Variants in PLPPR5 observed in about 807,000 individuals in gnomAD.
PLPPR5 encodes phospholipid phosphatase related 5, also known as phospholipid phosphatase-related protein type 5.
PLPPR5 carries 16 observed loss-of-function variants against 33.9 expected under a neutral mutation model. That is an observed-to-expected ratio of 0.47 (90% CI 0.32 to 0.72). PLPPR5 has a LOEUF of 0.72. PLPPR5 is among the 30% of genes least tolerant of loss of function. PLPPR5 has a pLI of 0.03. For missense variants in PLPPR5, 301 were observed against 406.7 expected (o/e 0.74, Z 2.23); for synonymous variants, 163 against 150.3 (o/e 1.08, Z -0.62).
At chr1:98,993,044 T>C (rs781042737) in intron 1 of PLPPR5, among the ~76,000 whole-genome samples, 1 of 152,130 alleles carries the variant, frequency 6.6e-6, no homozygotes, top group Non-Finnish European at 1.5e-5. Context: ...AATGCTGATG[T>C]AAGCACTATG....
intron 1 of PLPPR5, among the ~76,000 whole-genome samples, chr1:98,982,166 G>A (rs1480759270): frequency 6.6e-6 from 1 of 152,024 alleles, no homozygotes; most frequent in African/African-American, 2.4e-5. Flanking sequence ...CTATCTGAAT[G>A]CACCATGAGA....
intron 1 of PLPPR5, among the ~76,000 whole-genome samples, chr1:98,979,660 T>A (rs1261507384): frequency 6.6e-6 from 1 of 152,026 alleles, no homozygotes; most frequent in Non-Finnish European, 1.5e-5. Flanking sequence ...GATTTCTGCC[T>A]CCTGCGATGG....
chr1:98,962,104 A>C (rs1651270918), intron 1 of PLPPR5, among the ~76,000 whole-genome samples: 1 of 152,184 alleles, frequency 6.6e-6, no homozygotes, highest in Non-Finnish European at 1.5e-5. Context: ...ACTTGGACTC[A>C]AGCTAAAACT....
At chr1:98,922,147 A>C in intron 3 of PLPPR5, 89 bp from the exon 4 acceptor site, 2 of 1,181,428 alleles carry the variant, frequency 1.7e-6, no homozygotes, top group Non-Finnish European at 2.4e-6. Context: ...ACATATATTT[A>C]TAGACATATA....
chr1:98,993,348 A>G (rs1176100821), intron 1 of PLPPR5, among the ~76,000 whole-genome samples: 2 of 152,102 alleles, frequency 1.3e-5, no homozygotes, highest in African/African-American at 4.8e-5. Context: ...GCTTGAAAAA[A>G]GTGTCTACTG....
chr1:98,947,671 G>A (rs925049131), intron 3 of PLPPR5, among the ~76,000 whole-genome samples: 3 of 152,100 alleles, frequency 2.0e-5, no homozygotes, highest in Non-Finnish European at 4.4e-5. Flanking sequence ...AATGAAAGGG[G>A]TCCATGGTAG....
chr1:98,915,702 C>T (rs1010939804), intron 4 of PLPPR5, among the ~76,000 whole-genome samples: 2 of 152,074 alleles, frequency 1.3e-5, no homozygotes, highest in Non-Finnish European at 2.9e-5. Flanking sequence ...CCTTAATGTG[C>T]ATAAAAATAC....
chr1:98,906,981 C>A (rs1228772434), intron 5 of PLPPR5, among the ~76,000 whole-genome samples: 2 of 151,976 alleles, frequency 1.3e-5, no homozygotes, highest in Non-Finnish European at 2.9e-5. Context: ...ATTATAAAAC[C>A]TGTCAGTAAT....
intron 1 of PLPPR5, among the ~76,000 whole-genome samples, chr1:99,002,446 A>T (rs1652884864): frequency 6.6e-6 from 1 of 152,234 alleles, no homozygotes; most frequent in South Asian, 2.1e-4. Context: ...CTATAGGCAT[A>T]CAAATGCCAT....
chr1:99,004,554 C>T lies in PLPPR5; in HGVS notation c.118G>A (p.Val40Met), dbSNP rs766371899. 5 of 1,612,996 alleles carry T rather than the reference C, an allele frequency of 3.1e-6. No homozygotes were observed. In the South Asian group the frequency reaches 3.3e-5, roughly 11 times the overall value. The change falls in exon 1 of 6, where the codon GTG becomes ATG. Residue 40 changes from valine to methionine, a missense_variant. Val to Met is a conservative substitution (Grantham distance 21). Coordinates refer to ENST00000263177, the MANE Select transcript of PLPPR5 (RefSeq NM_001037317.2). Reference protein sequence around the residue: ...FEYTDTFTVNVQGFFCHDSAY... With the variant: ...FEYTDTFTVNMQGFFCHDSAY... ...CTGTCGTGGCAGAAGAAGCCCTGCA[C>T]GTTCACGGTGAACGTGTCCGTATAC...
chr1:98,916,756 C>T (rs1285519677), intron 4 of PLPPR5, among the ~76,000 whole-genome samples: 1 of 152,132 alleles, frequency 6.6e-6, no homozygotes, highest in East Asian at 1.9e-4. Flanking sequence ...TCTTCTTACT[C>T]TTAGTATTTT....
intron 5 of PLPPR5, among the ~76,000 whole-genome samples, chr1:98,910,417 A>C (rs1649076436): frequency 6.6e-6 from 1 of 152,216 alleles, no homozygotes; most frequent in Non-Finnish European, 1.5e-5. Flanking sequence ...TTTAAGTAGA[A>C]TGAAGTATAA....
intron 5 of PLPPR5, among the ~76,000 whole-genome samples, chr1:98,911,887 G>A (rs1160058077): frequency 2.0e-5 from 3 of 151,938 alleles, no homozygotes; most frequent in Admixed American, 1.3e-4. Flanking sequence ...AGCCTCCTGA[G>A]TCTCTAGTAC....
intron 1 of PLPPR5, among the ~76,000 whole-genome samples, chr1:99,002,092 C>G (rs150145873): frequency 4.6e-5 from 7 of 152,052 alleles, no homozygotes; most frequent in African/African-American, 1.7e-4. Flanking sequence ...GCTAACCCAG[C>G]GTTCTTGAGA....
chr1:98,933,334 T>C lies in PLPPR5; in HGVS notation c.622-11276A>G, dbSNP rs1346907151. On this transcript the variant is annotated intron_variant, in intron 3 of 5. Transcript: ENST00000263177. Reference sequence around the variant, plus strand: ...CCATCTCTACTAAAAATACAAAAAATAAGCCAGGCGTGGTGGCGCGTGCCT... The same window carrying C: ...CCATCTCTACTAAAAATACAAAAAACAAGCCAGGCGTGGTGGCGCGTGCCT... Among the ~76,000 whole-genome samples the C allele has an allele frequency of 4.6e-5, 7 of 151,368 alleles. No homozygotes were observed. In the East Asian group the frequency reaches 5.9e-4, roughly 13 times the overall value.
chr1:98,964,098 G>A lies in PLPPR5; in HGVS notation c.238-7357C>T, dbSNP rs530125894. Among the ~76,000 whole-genome samples the A allele has an allele frequency of 5.3e-5, 8 of 152,278 alleles. No homozygotes were observed. In the East Asian group the frequency reaches 9.6e-4, roughly 18 times the overall value. ...ATTCCCAAAGCATCCCTGGGGCAAC[G>A]AGCATAACTGGTTTGCTTTCCCCGC... On this transcript the variant is annotated intron_variant, in intron 1 of 5. Coordinates refer to ENST00000263177, the MANE Select transcript of PLPPR5 (RefSeq NM_001037317.2).
intron 1 of PLPPR5, among the ~76,000 whole-genome samples, chr1:98,991,859 A>C (rs954877144): frequency 1.1e-4 from 16 of 151,618 alleles, no homozygotes; most frequent in African/African-American, 3.4e-4. Flanking sequence ...ACAGAGGCCC[A>C]AAAAAAAGGA....
rs567225802 is a variant in PLPPR5, at chr1:98,891,496, C to T, written c.*1576G>A. On this transcript the variant is annotated 3_prime_UTR_variant, in exon 6 of 6. Transcript: ENST00000263177. ...TTATTGCAAAGTTATTGTTGAGGAGCTCACCTTCCTTATATTATGGCGATT... is the reference window on the plus strand; with the variant it reads ...TTATTGCAAAGTTATTGTTGAGGAGTTCACCTTCCTTATATTATGGCGATT... 2 of 152,022 alleles carry T rather than the reference C, an allele frequency of 1.3e-5. No individual in the cohort carries two copies. Among genetic ancestry groups the T allele is most frequent in the South Asian group, 2.1e-4 (1 of 4,810 alleles). The allele number at this position is 152,022 out of a possible 1,614,324, so 9.4% of individuals were successfully genotyped here.
chr1:98,988,223 G>T (rs574498385), intron 1 of PLPPR5, among the ~76,000 whole-genome samples: 2 of 152,196 alleles, frequency 1.3e-5, no homozygotes, highest in South Asian at 4.1e-4. Flanking sequence ...GAAATTCTTT[G>T]TCAAAAGTTG....
Sources: allele counts gnomAD v4.1 joint callset (sites outside exome capture counted in the v4.1 genomes callset), GRCh38; gene constraint gnomAD v4.1.1; transcripts MANE v1.5; gene names NCBI Gene and HGNC (gene_info 2026-07-23, HGNC 2026-07-21).